Variants in PLAT observed in about 807,000 individuals in gnomAD.
PLAT encodes the protein plasminogen activator, tissue type.
Under a neutral mutation model 74.9 loss-of-function variants are expected in PLAT, and 48 were observed. The ratio of observed to expected loss-of-function variants is 0.64; its 90% confidence interval spans 0.51 to 0.82. PLAT has a LOEUF of 0.82. Among genes scored for constraint, PLAT ranks in the 40% least tolerant of loss-of-function variants. The probability of loss-of-function intolerance (pLI) is 0.00; values close to 1 mark genes in which losing one functional copy is unlikely to be tolerated. For missense variants in PLAT, 673 were observed against 736.2 expected, an observed-to-expected ratio of 0.91 and a Z score of 0.99; for synonymous variants, 307 against 294.4, an observed-to-expected ratio of 1.04 and a Z score of -0.44.
At chr8:42,189,755 TGCCCG>T (rs1805615722) in intron 3 of PLAT, among the ~76,000 whole-genome samples, 1 of 146,694 alleles carries the variant, frequency 6.8e-6, no homozygotes, top group African/African-American at 2.5e-5. Flanking sequence ...CCCGATACCA[TGCCCG>T]GCTAATTTTT....
At chr8:42,179,644 A>C (rs541252622) in intron 12 of PLAT, among the ~76,000 whole-genome samples, 24 of 152,322 alleles carry the variant, frequency 1.6e-4, no homozygotes, top group Non-Finnish European at 3.1e-4. Context: ...AGCTTCCCAG[A>C]ACCCACACGC....
intron 1 of PLAT, among the ~76,000 whole-genome samples, chr8:42,197,955 G>C (rs8178707): frequency 0.038 from 5,861 of 152,288 alleles, 362 homozygotes; most frequent in African/African-American, 0.13. Flanking sequence ...TCTGTTGTGA[G>C]AACATACGAC....
intron 5 of PLAT, 122 bp downstream of exon 5, chr8:42,187,784 C>T (rs985682379): frequency 2.9e-5 from 23 of 783,674 alleles, no homozygotes; most frequent in East Asian, 7.6e-5. Flanking sequence ...ATGGCAGAAG[C>T]GCCTTCCCTG....
chr8:42,175,730 G>A lies in PLAT; in HGVS notation c.*263C>T. ...GGTGGCATGGCCACTTTCTGCCCAG[G>A]GAGGAGGCATTCCTGGAGAGGCTAG... On this transcript the variant is annotated 3_prime_UTR_variant, in exon 14 of 14. Transcript: ENST00000220809. The A allele has an allele frequency of 2.7e-6, 1 of 365,412 alleles. No homozygotes were observed. Among genetic ancestry groups the A allele is most frequent in the South Asian group, 6.5e-5 (1 of 15,326 alleles). 22.6% of individuals were successfully genotyped at this position (365,412 alleles called of 1,614,324 possible). A position where few individuals can be genotyped will look rare whatever the true frequency, so the allele number is the denominator to read the frequency against.
At chr8:42,194,323 ACTCCTGGGCACAAATGATC>A (rs1805824492) in intron 1 of PLAT, among the ~76,000 whole-genome samples, 1 of 139,036 alleles carries the variant, frequency 7.2e-6, no homozygotes. Flanking sequence ...CTAGTCTCGA[ACTCCTGGGCACAAATGATC>A]CTCCTTCCTC....
chr8:42,189,561 T>C (rs1452758452), intron 3 of PLAT, among the ~76,000 whole-genome samples: 6 of 151,784 alleles, frequency 4.0e-5, no homozygotes, highest in Admixed American at 3.9e-4. Flanking sequence ...TGAGTGCCAT[T>C]GAGTATCTTC....
intron 1 of PLAT, among the ~76,000 whole-genome samples, chr8:42,205,938 T>C (rs1015933113): frequency 6.6e-6 from 1 of 152,246 alleles, no homozygotes; most frequent in African/African-American, 2.4e-5. Context: ...CTTTGAAATC[T>C]ACTGGCCGCT....
intron 12 of PLAT, 44 bp downstream of exon 12, chr8:42,179,881 TG>T: frequency 6.6e-7 from 1 of 1,512,334 alleles, no homozygotes; most frequent in Admixed American, 2.1e-5. Context: ...CAGCCTCCCC[TG>T]CTGTCCCGCA....
intron 6 of PLAT, chr8:42,187,010 A>G (rs1443722508): frequency 3.5e-5 from 5 of 141,386 alleles, no homozygotes; most frequent in Non-Finnish European, 5.9e-5. Context: ...TCTGTCTATC[A>G]TCTACCACCT....
At chr8:42,196,034 G>T (rs1213061825) in intron 1 of PLAT, among the ~76,000 whole-genome samples, 1 of 152,174 alleles carries the variant, frequency 6.6e-6, no homozygotes, top group African/African-American at 2.4e-5. Flanking sequence ...TTTATTTCAA[G>T]AACTCAAAGT....
intron 12 of PLAT, 46 bp downstream of exon 12, chr8:42,179,880 C>T (rs1315357604): frequency 6.6e-6 from 10 of 1,510,528 alleles, no homozygotes; most frequent in South Asian, 1.3e-5. Flanking sequence ...GCAGCCTCCC[C>T]TGCTGTCCCG....
At chr8:42,178,458 T>C (rs916072420) in intron 13 of PLAT, among the ~76,000 whole-genome samples, 1 of 152,076 alleles carries the variant, frequency 6.6e-6, no homozygotes, top group Non-Finnish European at 1.5e-5. Context: ...TTAGTAGAGA[T>C]GGGGTTTCTC....
At chr8:42,181,424 C>T (rs1564127323) in intron 9 of PLAT, among the ~76,000 whole-genome samples, 1 of 152,214 alleles carries the variant, frequency 6.6e-6, no homozygotes, top group Non-Finnish European at 1.5e-5. Flanking sequence ...AGTGGAAGTA[C>T]ATGCCATTGG....
At chr8:42,195,566 A>G (rs1418790822) in intron 1 of PLAT, 1 of 152,222 alleles carries the variant, frequency 6.6e-6, no homozygotes, top group African/African-American at 2.4e-5. Flanking sequence ...GGCTCCAGGC[A>G]GTTTCAGAAG....
intron 8 of PLAT, 75 bp from the exon 9 acceptor site, chr8:42,182,097 A>G: frequency 1.1e-6 from 1 of 925,184 alleles, no homozygotes; most frequent in Non-Finnish European, 1.7e-6. Context: ...GGGTCTTGCC[A>G]TGTTGCCCAG....
At chr8:42,187,848 G>T in intron 5 of PLAT, 58 bp downstream of exon 5, 5 of 1,195,376 alleles carry the variant, frequency 4.2e-6, no homozygotes, top group Non-Finnish European at 6.2e-6. Flanking sequence ...CCTTCCGGGG[G>T]CGGGGGAGAC....
At chr8:42,206,111 G>A (rs566206596) in intron 1 of PLAT, among the ~76,000 whole-genome samples, 1 of 152,198 alleles carries the variant, frequency 6.6e-6, no homozygotes, top group Non-Finnish European at 1.5e-5. Flanking sequence ...AATCCGACGC[G>A]AGTCATTGTG....
chr8:42,206,367 C>T (rs947806085), intron 1 of PLAT, among the ~76,000 whole-genome samples: 1 of 152,192 alleles, frequency 6.6e-6, no homozygotes, highest in African/African-American at 2.4e-5. Context: ...AGGAAGCACG[C>T]ACCCAGCAGC....
chr8:42,188,226 C>G lies in PLAT; in HGVS notation c.254-210G>C. ...ACATAAGTGGACCCTGCAGGTCAGA[C>G]AAGTGTTGTTCAAGGGTCCCCTGTA... On this transcript the variant is annotated intron_variant, in intron 4 of 13. Coordinates refer to ENST00000220809, the MANE Select transcript of PLAT (RefSeq NM_000930.5). 8.3e-6 allele frequency: 4 copies of G among 482,168 alleles called. 1 individual carries two copies. In the South Asian group the frequency reaches 1.1e-4, roughly 13 times the overall value. The allele number at this position is 482,168 out of a possible 1,614,324, so 29.9% of individuals were successfully genotyped here.
Sources: gnomAD v4.1 joint callset for allele counts (sites outside exome capture counted in the v4.1 genomes callset) on GRCh38, gnomAD v4.1.1 for gene constraint, MANE v1.5 for transcripts, NCBI Gene and HGNC (gene_info 2026-07-23, HGNC 2026-07-21) for gene names.